The following GPR155 variants were observed in gnomAD, a reference collection of about 807,000 sequenced individuals.
GPR155 encodes the protein G protein-coupled receptor 155.
GPR155 carries 65 observed loss-of-function variants against 93.1 expected under a neutral mutation model. That is an observed-to-expected ratio of 0.70 (90% CI 0.57 to 0.86). GPR155 has a LOEUF of 0.86. Among genes scored for constraint, GPR155 ranks in the 40% least tolerant of loss-of-function variants. The pLI is 0.00. For missense variants in GPR155, 838 were observed against 1,034.8 expected (o/e 0.81, Z 2.61); for synonymous variants, 319 against 360.1 (o/e 0.89, Z 1.29).
In GPR155 at chr2:174,461,407, C is replaced by A; in HGVS notation, c.1555G>T (p.Glu519Ter). 1.9e-6 allele frequency: 3 copies of A among 1,608,498 alleles called. No individual in the cohort carries two copies. Among genetic ancestry groups the A allele is most frequent in the Non-Finnish European group, 2.6e-6 (3 of 1,175,010 alleles). ...SIDSAFFYGK[E>*]QMITTAVTLF... ...TGCCAGTAAACTCTTCCCACCTGTTCTTTTCCATAAAAGAAGGCTGAGTCA... is the reference window on the plus strand; with the variant it reads ...TGCCAGTAAACTCTTCCCACCTGTTATTTTCCATAAAAGAAGGCTGAGTCA... Residue 519 changes from glutamate to a stop codon, truncating the protein, a stop_gained, in exon 9 of 16, where the codon GAA (glutamate) becomes TAA (stop). Coordinates refer to ENST00000392552, the MANE Select transcript of GPR155 (RefSeq NM_152529.7). LOFTEE classifies it high-confidence loss of function.
intron 14 of GPR155, among the ~76,000 whole-genome samples, chr2:174,440,819 A>G (rs1686935823): frequency 6.6e-6 from 1 of 152,194 alleles, no homozygotes; most frequent in Non-Finnish European, 1.5e-5. Context: ...TCATAAAGAA[A>G]TCCCTGATCT....
intron 7 of GPR155, 74 bp downstream of exon 7, chr2:174,465,711 C>T (rs1284956843): frequency 1.3e-6 from 1 of 750,322 alleles, no homozygotes; most frequent in African/African-American, 1.7e-5. Flanking sequence ...AAATAGATCA[C>T]TAGAAGCTCA....
rs1477036204 is a variant in GPR155, at chr2:174,433,401, G to T, written c.*2715C>A. 1 of 152,158 alleles carries T rather than the reference G, an allele frequency of 6.6e-6. No individual in the cohort carries two copies. Among genetic ancestry groups the T allele is most frequent in the African/African-American group, 2.4e-5 (1 of 41,430 alleles). 9.4% of individuals were successfully genotyped at this position (152,158 alleles called of 1,614,324 possible). A position where few individuals can be genotyped will look rare whatever the true frequency, so the allele number is the denominator to read the frequency against. On this transcript the variant is annotated 3_prime_UTR_variant, in exon 16 of 16. Transcript: ENST00000392552. ...CACAGGAGAATAGAAGCTCCATGAGGATAGGAATCATATTTGTTCCAACTG... is the reference window on the plus strand; with the variant it reads ...CACAGGAGAATAGAAGCTCCATGAGTATAGGAATCATATTTGTTCCAACTG...
At chr2:174,450,014 C>T (rs900439757) in intron 11 of GPR155, among the ~76,000 whole-genome samples, 2 of 151,766 alleles carry the variant, frequency 1.3e-5, no homozygotes, top group Non-Finnish European at 2.9e-5. Context: ...GGCGTGGTTG[C>T]ACACGTCCGT....
rs750123222 is a variant in GPR155 at position 174,468,935 on chromosome 2, T to C, written c.1159A>G (p.Ser387Gly). Residue 387 changes from serine to glycine, a missense_variant, in exon 5 of 16, where the codon AGT becomes GGT. Ser to Gly is a moderately conservative substitution (Grantham distance 56). This residue lies in a region of GPR155 where 663 missense variants were observed against 790.1 expected (regional missense o/e 0.84). Transcript: ENST00000392552. Reference sequence around the variant, plus strand: ...ACCAAGGAGATCAGGCTGACAATACTTATATCAAAACTAACATTCTGGATG... The same window carrying C: ...ACCAAGGAGATCAGGCTGACAATACCTATATCAAAACTAACATTCTGGATG... ...YAIQNVSFDISIVSLISLIWS... is the reference protein window; with the variant it reads ...YAIQNVSFDIGIVSLISLIWS... 2 of 1,614,000 alleles carry C rather than the reference T, an allele frequency of 1.2e-6. No individual in the cohort carries two copies. The highest frequency in any genetic ancestry group is 2.7e-5 in the African/African-American group (2 of 75,058).
chr2:174,432,143 G>A lies in GPR155; in HGVS notation c.*3973C>T, dbSNP rs1157664994. 4 of 152,460 alleles carry A rather than the reference G, an allele frequency of 2.6e-5. No individual in the cohort carries two copies. The highest frequency in any genetic ancestry group is 1.3e-4 in the Admixed American group (2 of 15,260). 9.4% of individuals were successfully genotyped at this position (152,460 alleles called of 1,614,324 possible). ...CCAGAGTCATGAAGAACAGAACTCA[G>A]GAAACCCATTTAAGAAAACATTGAG... On this transcript the variant is annotated 3_prime_UTR_variant, in exon 16 of 16. Coordinates refer to ENST00000392552, the MANE Select transcript of GPR155 (RefSeq NM_152529.7).
chr2:174,480,271 C>T (rs1267676170), intron 2 of GPR155, among the ~76,000 whole-genome samples: 4 of 152,060 alleles, frequency 2.6e-5, no homozygotes, highest in Non-Finnish European at 4.4e-5. Context: ...CCCTTGTCAC[C>T]ACCTGACATG....
In GPR155 at chr2:174,431,863, A is replaced by T. The variant is rs1686653516; in HGVS notation, c.*4253T>A. 1 of 152,252 alleles carries T rather than the reference A, an allele frequency of 6.6e-6. No homozygotes were observed. Among genetic ancestry groups the T allele is most frequent in the African/African-American group, 2.4e-5 (1 of 41,474 alleles). 9.4% of individuals were successfully genotyped at this position (152,252 alleles called of 1,614,324 possible). A position where few individuals can be genotyped will look rare whatever the true frequency, so the allele number is the denominator to read the frequency against. The stretch of plus-strand genomic sequence containing the variant: ...CATTAATTGTTGTTCTCAAAATGCC[A>T]AATACACTTTGTCTTAGTCTAAAAA... On this transcript the variant is annotated 3_prime_UTR_variant, in exon 16 of 16. Coordinates refer to ENST00000392552, the MANE Select transcript of GPR155 (RefSeq NM_152529.7).
rs1159606727 is a variant in GPR155 at position 174,431,903 on chromosome 2, C to T, written c.*4213G>A. 1 of 152,168 alleles carries T rather than the reference C, an allele frequency of 6.6e-6. No homozygotes were observed. The highest frequency in any genetic ancestry group is 1.5e-5 in the Non-Finnish European group (1 of 68,028). 9.4% of individuals were successfully genotyped at this position (152,168 alleles called of 1,614,324 possible). On this transcript the variant is annotated 3_prime_UTR_variant, in exon 16 of 16. Transcript: ENST00000392552. ...TAGTCTAAAAATATTGAAAGCTAAG[C>T]ACAAGCTAGGCATGGAGTTACTCAT...
intron 9 of GPR155, 53 bp downstream of exon 9, chr2:174,461,349 C>T (rs1235683900): frequency 2.6e-5 from 27 of 1,051,584 alleles, no homozygotes; most frequent in East Asian, 1.9e-4. Flanking sequence ...AGGCACATAA[C>T]GAGCTAAAAA....
intron 13 of GPR155, among the ~76,000 whole-genome samples, chr2:174,444,486 CTTTTTTTT>C (rs71024807): frequency 1.3e-3 from 119 of 89,606 alleles, no homozygotes; most frequent in African/African-American, 5.1e-3. Flanking sequence ...CCAAAGTGAC[CTTTTTTTT>C]TTTTTTTTTT....
At chr2:174,468,139 T>C (rs973571140) in intron 5 of GPR155, among the ~76,000 whole-genome samples, 1 of 152,318 alleles carries the variant, frequency 6.6e-6, no homozygotes, top group African/African-American at 2.4e-5. Flanking sequence ...CTGAAATGTA[T>C]ATGGTCTCTT....
chr2:174,460,898 A>G (rs1687672622), intron 9 of GPR155, among the ~76,000 whole-genome samples: 1 of 152,168 alleles, frequency 6.6e-6, no homozygotes. Flanking sequence ...ATTGCAAAAC[A>G]GAAAAAAAGA....
chr2:174,439,563 C>T (rs1168754906), intron 15 of GPR155, among the ~76,000 whole-genome samples: 1 of 152,118 alleles, frequency 6.6e-6, no homozygotes, highest in Non-Finnish European at 1.5e-5. Context: ...TCCAATGTAT[C>T]TCAAAGTTTT....
At chr2:174,465,007 T>C (rs541351963) in intron 7 of GPR155, among the ~76,000 whole-genome samples, 7 of 152,324 alleles carry the variant, frequency 4.6e-5, no homozygotes, top group African/African-American at 1.4e-4. Context: ...TAGGTTCAAA[T>C]TTGTAGGATG....
chr2:174,462,185 A>G (rs909580260), intron 7 of GPR155, among the ~76,000 whole-genome samples: 2 of 151,954 alleles, frequency 1.3e-5, no homozygotes, highest in Non-Finnish European at 2.9e-5. Context: ...GGATCCTCCC[A>G]CTTCTGCCTC....
chr2:174,452,078 T>G (rs1201069217), intron 11 of GPR155, among the ~76,000 whole-genome samples: 1 of 152,188 alleles, frequency 6.6e-6, no homozygotes, highest in Non-Finnish European at 1.5e-5. Context: ...CTAGGTATAT[T>G]GTGTAGGGAG....
chr2:174,437,273 G>A (rs758774252), intron 15 of GPR155, among the ~76,000 whole-genome samples: 7 of 152,178 alleles, frequency 4.6e-5, no homozygotes, highest in Non-Finnish European at 1.0e-4. Flanking sequence ...AGTGCTTGAC[G>A]TGGGAAATGG....
At chr2:174,436,857 C>A (rs1400109703) in intron 15 of GPR155, among the ~76,000 whole-genome samples, 2 of 152,148 alleles carry the variant, frequency 1.3e-5, no homozygotes, top group African/African-American at 4.8e-5. Context: ...CTATTCAAAT[C>A]AAACTTTATT....
Sources: allele counts gnomAD v4.1 joint callset (sites outside exome capture counted in the v4.1 genomes callset), GRCh38; gene constraint gnomAD v4.1.1; regional missense constraint gnomAD v4.1.1; transcripts MANE v1.5; gene names NCBI Gene and HGNC (gene_info 2026-07-23, HGNC 2026-07-21).